PCDH9: variants seen among roughly 807,000 people sequenced by gnomAD.
The protein encoded by PCDH9 is protocadherin 9, also known as protocadherin-9.
In PCDH9, 24 loss-of-function variants were observed where a neutral mutation model predicts 70.6. The ratio of observed to expected loss-of-function variants is 0.34; its 90% CI spans 0.25 to 0.48. PCDH9 has a LOEUF of 0.48. Among genes scored for constraint, PCDH9 ranks in the 20% least tolerant of loss-of-function variants. The probability of loss-of-function intolerance (pLI) is 0.99; values close to 1 mark genes in which losing one functional copy is unlikely to be tolerated. For missense variants in PCDH9, 1,281 were observed against 1,503.6 expected (o/e 0.85, Z 2.45); for synonymous variants, 562 against 558.5 (o/e 1.01, Z -0.09).
intron 4 of PCDH9, among the ~76,000 whole-genome samples, chr13:66,328,687 C>T (rs1955888597): frequency 1.3e-5 from 2 of 152,122 alleles, no homozygotes; most frequent in African/African-American, 4.8e-5. Context: ...GGATTGAGGA[C>T]AGTCACCAAG....
chr13:67,050,594 G>C (rs543430200), intron 2 of PCDH9, among the ~76,000 whole-genome samples: 17 of 152,272 alleles, frequency 1.1e-4, no homozygotes, highest in African/African-American at 4.1e-4. Flanking sequence ...GCTACATATT[G>C]TTATTGTACA....
chr13:66,319,557 C>A (rs572765924), intron 4 of PCDH9, among the ~76,000 whole-genome samples: 17 of 151,750 alleles, frequency 1.1e-4, no homozygotes, highest in Non-Finnish European at 1.0e-4. Context: ...AATGAAGGAG[C>A]TTTTGTGGCA....
intron 4 of PCDH9, among the ~76,000 whole-genome samples, chr13:66,416,529 T>C (rs1412828577): frequency 2.0e-5 from 3 of 152,156 alleles, no homozygotes; most frequent in Non-Finnish European, 4.4e-5. Flanking sequence ...AGATAGGATG[T>C]TATTTTCAGA....
chr13:66,349,589 G>GC (rs780781453), intron 4 of PCDH9, among the ~76,000 whole-genome samples: 1 of 152,176 alleles, frequency 6.6e-6, no homozygotes, highest in Non-Finnish European at 1.5e-5. Context: ...GCTACCAAGT[G>GC]CCAATATCTT....
At chr13:66,867,437 A>AGT (rs1157311593) in intron 3 of PCDH9, among the ~76,000 whole-genome samples, 1 of 152,128 alleles carries the variant, frequency 6.6e-6, no homozygotes, top group Non-Finnish European at 1.5e-5. Flanking sequence ...GGGAGGCTGC[A>AGT]GTGTGTGATG....
At chr13:66,460,555 C>G (rs1341897674) in intron 4 of PCDH9, among the ~76,000 whole-genome samples, 3 of 151,836 alleles carry the variant, frequency 2.0e-5, no homozygotes, top group African/African-American at 7.2e-5. Context: ...TTATAAAATC[C>G]TGAGCCTTTT....
chr13:67,121,914 T>C (rs1282801591), intron 2 of PCDH9, among the ~76,000 whole-genome samples: 4 of 152,212 alleles, frequency 2.6e-5, no homozygotes, highest in Admixed American at 2.6e-4. Flanking sequence ...TTGATTATGA[T>C]GACTACACTC....
intron 2 of PCDH9, among the ~76,000 whole-genome samples, chr13:66,957,353 C>T (rs1234565249): frequency 6.6e-6 from 1 of 152,186 alleles, no homozygotes; most frequent in African/African-American, 2.4e-5. Context: ...TACTACCCCT[C>T]CAAGTTTCAC....
In PCDH9 at chr13:66,945,421, T is replaced by C. The variant is rs113647608; in HGVS notation, c.3037-41816A>G. Among the ~76,000 whole-genome samples the C allele has an allele frequency of 5.6e-4, 85 of 152,294 alleles. 1 individual carries two copies. Among genetic ancestry groups the C allele is most frequent in the African/African-American group, 1.9e-3 (81 of 41,570 alleles). On this transcript the variant is annotated intron_variant, in intron 2 of 4. Transcript: ENST00000377865. ...TGTTTTCCCCCATTAGCCTGTCTTA[T>C]GTCAACTTAATTTATAGCTCAGCCA...
chr13:66,603,660 G>A (rs982550256), intron 4 of PCDH9, among the ~76,000 whole-genome samples: 2 of 151,940 alleles, frequency 1.3e-5, no homozygotes, highest in Non-Finnish European at 1.5e-5. Context: ...GTCATGTGGA[G>A]ATATGACACT....
chr13:66,492,955 G>T (rs1023731165), intron 4 of PCDH9, among the ~76,000 whole-genome samples: 1 of 152,050 alleles, frequency 6.6e-6, no homozygotes, highest in Non-Finnish European at 1.5e-5. Flanking sequence ...TATTAATGAG[G>T]TGACTATCCT....
intron 3 of PCDH9, among the ~76,000 whole-genome samples, chr13:66,877,146 T>C (rs888787627): frequency 6.6e-6 from 1 of 151,908 alleles, no homozygotes; most frequent in Non-Finnish European, 1.5e-5. Context: ...GTGTATGCTA[T>C]TTTTGAAAAT....
chr13:66,734,484 A>G (rs2079118676), intron 3 of PCDH9, among the ~76,000 whole-genome samples: 1 of 152,142 alleles, frequency 6.6e-6, no homozygotes, highest in African/African-American at 2.4e-5. Flanking sequence ...GGATCTTGTG[A>G]ACCCTGCAAA....
At chr13:66,681,697 G>A (rs543326637) in intron 3 of PCDH9, among the ~76,000 whole-genome samples, 35 of 151,934 alleles carry the variant, frequency 2.3e-4, no homozygotes, top group Admixed American at 1.5e-3. Flanking sequence ...ATTAAAAGTC[G>A]CCTTCCAAGG....
chr13:67,016,922 G>A (rs2084573900), intron 2 of PCDH9, among the ~76,000 whole-genome samples: 1 of 152,020 alleles, frequency 6.6e-6, no homozygotes, highest in African/African-American at 2.4e-5. Flanking sequence ...GGACCCAAGG[G>A]CACCCATTAA....
chr13:66,829,761 T>C (rs1294719670), intron 3 of PCDH9, among the ~76,000 whole-genome samples: 1 of 137,806 alleles, frequency 7.3e-6, no homozygotes, highest in South Asian at 2.4e-4. Context: ...ATTTAGAATA[T>C]TGAAAAACTA....
At chr13:66,625,807 C>T (rs111780078) in intron 4 of PCDH9, among the ~76,000 whole-genome samples, 25 of 151,832 alleles carry the variant, frequency 1.6e-4, no homozygotes, top group East Asian at 1.4e-3. Context: ...ATTACAGGCA[C>T]GCACCACCAC....
intron 2 of PCDH9, among the ~76,000 whole-genome samples, chr13:66,959,265 G>A (rs912539574): frequency 3.3e-5 from 5 of 151,992 alleles, no homozygotes; most frequent in East Asian, 1.9e-4. Context: ...TTGATAGCAG[G>A]TACAATAAGG....
At chr13:66,594,948 G>A (rs1006631374) in intron 4 of PCDH9, among the ~76,000 whole-genome samples, 6 of 150,478 alleles carry the variant, frequency 4.0e-5, no homozygotes, top group African/African-American at 9.8e-5. Context: ...TGAAAGTAAC[G>A]GAAGAGCTAC....
Sources: gnomAD v4.1 joint callset for allele counts (sites outside exome capture counted in the v4.1 genomes callset) on GRCh38, gnomAD v4.1.1 for gene constraint, MANE v1.5 for transcripts, NCBI Gene and HGNC (gene_info 2026-07-23, HGNC 2026-07-21) for gene names.